Variants in TUSC3 observed in about 807,000 individuals in gnomAD.
TUSC3 encodes tumor suppressor candidate 3, also known as dolichyl-diphosphooligosaccharide--protein glycosyltransferase subunit TUSC3.
Under a neutral mutation model 44.8 loss-of-function variants are expected in TUSC3, and 45 were observed. That is an observed-to-expected ratio of 1.00 (90% CI 0.79 to 1.29). The LOEUF (loss-of-function observed/expected upper bound fraction) is 1.29, where lower values mean the gene tolerates loss of function less well. Among genes scored for constraint, TUSC3 ranks in the 50% most tolerant of loss-of-function variants. The pLI is 0.00. For missense variants in TUSC3, 519 were observed against 437.9 expected, an observed-to-expected ratio of 1.19 and a Z score of -1.65; for synonymous variants, 212 against 152.9, an observed-to-expected ratio of 1.39 and a Z score of -2.85.
chr8:15,563,056 G>A (rs1585104452), intron 1 of TUSC3, among the ~76,000 whole-genome samples: 1 of 152,084 alleles, frequency 6.6e-6, no homozygotes, highest in Admixed American at 6.6e-5. Context: ...GCCTACTAAA[G>A]TGGGCAAGCC....
chr8:15,555,030 A>G (rs148025965), intron 1 of TUSC3, among the ~76,000 whole-genome samples: 1,732 of 151,576 alleles, frequency 0.011, 47 homozygotes, highest in Middle Eastern at 0.021. Context: ...AGATTGAAGG[A>G]ACACACATTA....
In TUSC3 at chr8:15,502,752, A is replaced by C. The variant is rs576397597; in HGVS notation, n.189+19269A>C. ...GTGATCCCCCTGCCTTGGCCTCCCA[A>C]AGTGCTGGGATTACAGGCATGAGCT... On this transcript the variant is annotated intron_variant and non_coding_transcript_variant, in intron 2 of 5. Transcript: ENST00000503191. Among the ~76,000 whole-genome samples the C allele has an allele frequency of 2.6e-5, 4 of 152,236 alleles. No individual in the cohort carries two copies. The East Asian group carries it at 7.7e-4, about 29-fold the overall frequency.
At chr8:15,745,441 C>T (rs889178261) in intron 8 of TUSC3, among the ~76,000 whole-genome samples, 10 of 152,040 alleles carry the variant, frequency 6.6e-5, no homozygotes, top group Admixed American at 1.3e-4. Context: ...CATAAGCATT[C>T]CCTTTTCCCC....
At chr8:15,818,241 T>A in the TUSC3 span, among the ~76,000 whole-genome samples, 1 of 152,206 alleles carries the variant, frequency 6.6e-6, no homozygotes, top group African/African-American at 2.4e-5. Context: ...TCATCATTCT[T>A]TTTTTAGTGA....
chr8:15,575,836 G>A (rs892536146), intron 1 of TUSC3, among the ~76,000 whole-genome samples: 4 of 151,928 alleles, frequency 2.6e-5, no homozygotes, highest in African/African-American at 9.7e-5. Context: ...TCATTTTTTT[G>A]TGGAAATTAT....
intron 2 of TUSC3, among the ~76,000 whole-genome samples, chr8:15,510,436 A>G (rs1801117634): frequency 6.6e-6 from 1 of 152,092 alleles, no homozygotes; most frequent in African/African-American, 2.4e-5. Context: ...ACAGGTGCTA[A>G]AGTGATAATG....
chr8:15,667,112 T>G (rs1454872533), intron 5 of TUSC3, among the ~76,000 whole-genome samples: 1 of 151,594 alleles, frequency 6.6e-6, no homozygotes, highest in African/African-American at 2.4e-5. Context: ...TCTACTACAC[T>G]TCATGCACGG....
intron 1 of TUSC3, among the ~76,000 whole-genome samples, chr8:15,566,419 G>A (rs926155074): frequency 1.3e-5 from 2 of 152,008 alleles, no homozygotes. Context: ...TTGAACATGT[G>A]CTATTGTTAC....
the TUSC3 span, among the ~76,000 whole-genome samples, chr8:15,790,420 T>C: frequency 6.6e-6 from 1 of 152,032 alleles, no homozygotes; most frequent in African/African-American, 2.4e-5. Context: ...CTTAACCTCA[T>C]GATCCACTTG....
At chr8:15,521,170 C>G (rs1030449875) in intron 2 of TUSC3, among the ~76,000 whole-genome samples, 1 of 152,152 alleles carries the variant, frequency 6.6e-6, no homozygotes, top group Non-Finnish European at 1.5e-5. Flanking sequence ...TTTTCTGGCT[C>G]TTTGCCTGCC....
downstream of TUSC3, among the ~76,000 whole-genome samples, chr8:15,768,723 G>C (rs147944492): frequency 5.8e-3 from 885 of 152,252 alleles, 10 homozygotes; most frequent in African/African-American, 0.02. Context: ...CCCTTAAGCT[G>C]ATAAGCAACT....
Position 15,468,480 on chromosome 8 carries a change from C to T in TUSC3, n.92-14906C>T, listed in dbSNP as rs187337999. Among the ~76,000 whole-genome samples, 299 of 152,282 alleles carry T rather than the reference C, an allele frequency of 2.0e-3. 2 individuals are homozygous for T. Among genetic ancestry groups the T allele is most frequent in the Middle Eastern group, 0.017 (5 of 294 alleles). On this transcript the variant is annotated intron_variant and non_coding_transcript_variant, in intron 1 of 5. Coordinates refer to the TUSC3 transcript ENST00000503191. The stretch of plus-strand genomic sequence containing the variant: ...CTTATGCAGAGACATGATTCCTGAT[C>T]ATGGGTCTACCAGTGATTAGATGTC...
chr8:15,723,917 T>C (rs142672679), intron 6 of TUSC3, among the ~76,000 whole-genome samples: 9 of 152,292 alleles, frequency 5.9e-5, no homozygotes, highest in East Asian at 5.8e-4. Context: ...TGCTATCTTA[T>C]TCACTTAGAA....
At chr8:15,422,641 GTTGA>G (rs957236076) in intron 1 of TUSC3, among the ~76,000 whole-genome samples, 2 of 151,966 alleles carry the variant, frequency 1.3e-5, no homozygotes, top group African/African-American at 4.8e-5. Context: ...TGGTTGATTG[GTTGA>G]TTGGTTGGTT....
intron 1 of TUSC3, among the ~76,000 whole-genome samples, chr8:15,603,514 A>T (rs1331957991): frequency 6.6e-6 from 1 of 151,666 alleles, no homozygotes. Context: ...AAGCCTGTGT[A>T]CTTCTTTGCA....
At chr8:15,752,693 G>A (rs1225760790) in intron 9 of TUSC3, among the ~76,000 whole-genome samples, 2 of 151,982 alleles carry the variant, frequency 1.3e-5, no homozygotes, top group African/African-American at 4.8e-5. Flanking sequence ...TCTCTCCTGT[G>A]CCATGTTTTG....
intron 1 of TUSC3, among the ~76,000 whole-genome samples, chr8:15,585,333 C>T (rs984984153): frequency 6.6e-6 from 1 of 152,136 alleles, no homozygotes; most frequent in African/African-American, 2.4e-5. Flanking sequence ...CTCACCAATG[C>T]ACCACAATGT....
At chr8:15,658,088 A>G (rs935655010) in intron 3 of TUSC3, among the ~76,000 whole-genome samples, 19 of 152,184 alleles carry the variant, frequency 1.2e-4, no homozygotes, top group African/African-American at 4.1e-4. Context: ...TACAGTGGCA[A>G]TTAGATTTTC....
chr8:15,779,647 C>T, the TUSC3 span, among the ~76,000 whole-genome samples: 1 of 152,172 alleles, frequency 6.6e-6, no homozygotes, highest in Admixed American at 6.6e-5. Context: ...AAAAATGTAA[C>T]ATATGCCTAG....
Sources: allele counts gnomAD v4.1 joint callset (sites outside exome capture counted in the v4.1 genomes callset), GRCh38; gene constraint gnomAD v4.1.1; transcripts MANE v1.5; gene names NCBI Gene and HGNC (gene_info 2026-07-23, HGNC 2026-07-21).